Variants in TMEM11 observed in about 807,000 individuals in gnomAD.
TMEM11 encodes the protein transmembrane protein 11.
Under a neutral mutation model 17.0 loss-of-function variants are expected in TMEM11, and 1 was observed. That is an observed-to-expected ratio of 0.06 (90% CI 0.02 to 0.28). The LOEUF (loss-of-function observed/expected upper bound fraction) is 0.28. Ranked by LOEUF, TMEM11 falls within the 10% of genes least tolerant of loss-of-function variation. The pLI is 1.00. For missense variants in TMEM11, 172 were observed against 252.9 expected (o/e 0.68, Z 2.17); for synonymous variants, 122 against 118.1 (o/e 1.03, Z -0.21).
rs753450239 is a variant in TMEM11, at chr17:21,198,287, G to A, written c.*37C>T. On this transcript the variant is annotated 3_prime_UTR_variant, in exon 2 of 2. Coordinates refer to ENST00000317635, the MANE Select transcript of TMEM11 (RefSeq NM_003876.3). The surrounding 1 kb of genome is among the most constrained non-coding windows in gnomAD (Gnocchi z 6.5). ...CTGAATACTCTGTTGTCTCTTGTGG[G>A]CCGGGTGGTTTTGCTTCGCTCCCTG... 6.3e-7 allele frequency: 1 copy of A among 1,582,292 alleles called. No homozygotes were observed. The highest frequency in any genetic ancestry group is 1.2e-5 in the South Asian group (1 of 86,312).
chr17:21,206,206 C>T lies in TMEM11; in HGVS notation c.63-7366G>A, dbSNP rs1421033042. Among the ~76,000 whole-genome samples, 24 of 152,132 alleles carry T rather than the reference C, an allele frequency of 1.6e-4. 1 individual carries two copies. The highest frequency in any genetic ancestry group is 4.4e-5 in the Non-Finnish European group (3 of 68,002). On this transcript the variant is annotated intron_variant, in intron 1 of 1. Coordinates refer to ENST00000317635, the MANE Select transcript of TMEM11 (RefSeq NM_003876.3). The stretch of plus-strand genomic sequence containing the variant: ...AGGGGTTCCCATTTCTCCATATCCT[C>T]ACCAACACTTGTTATTTTCCGTTTT...
chr17:21,206,609 G>C (rs1393190721), intron 1 of TMEM11, among the ~76,000 whole-genome samples: 3 of 151,470 alleles, frequency 2.0e-5, no homozygotes, highest in Non-Finnish European at 4.4e-5. Context: ...CAATCTCGGA[G>C]CACTGCAACC....
chr17:21,201,242 T>A (rs1388668043), intron 1 of TMEM11, among the ~76,000 whole-genome samples: 1 of 152,196 alleles, frequency 6.6e-6, no homozygotes, highest in African/African-American at 2.4e-5. Flanking sequence ...GGGAACCACT[T>A]TCATAAAAGG....
At chr17:21,209,050 G>C (rs1393576884) in intron 1 of TMEM11, among the ~76,000 whole-genome samples, 1 of 152,234 alleles carries the variant, frequency 6.6e-6, no homozygotes, top group Non-Finnish European at 1.5e-5. Flanking sequence ...CTGAAGCAGT[G>C]AAAGCCCGTG....
At chr17:21,204,498 T>C (rs1345212207) in intron 1 of TMEM11, among the ~76,000 whole-genome samples, 1 of 149,916 alleles carries the variant, frequency 6.7e-6, no homozygotes, top group Non-Finnish European at 1.5e-5. Context: ...AGTCTCCAAC[T>C]GAAAGCAAGT....
chr17:21,213,840 G>A (rs1975030741), intron 1 of TMEM11: 1 of 413,918 alleles, frequency 2.4e-6, no homozygotes, highest in Non-Finnish European at 4.4e-6. Context: ...CTCGGGCCCC[G>A]CCCCGCATGG....
At chr17:21,211,819 C>T (rs529724991) in intron 1 of TMEM11, among the ~76,000 whole-genome samples, 1 of 152,358 alleles carries the variant, frequency 6.6e-6, no homozygotes, top group Non-Finnish European at 1.5e-5. Context: ...CGGGAGAGAG[C>T]ACTCGTATAA....
chr17:21,203,781 C>T lies in TMEM11; in HGVS notation c.63-4941G>A, dbSNP rs8082697. On this transcript the variant is annotated intron_variant, in intron 1 of 1. Coordinates refer to ENST00000317635, the MANE Select transcript of TMEM11 (RefSeq NM_003876.3). The stretch of plus-strand genomic sequence containing the variant: ...AGCCAGCTCCTGACCACCCAGCAGC[C>T]ACCCGTATATGGCTTGCTTCTGCTT... Among the ~76,000 whole-genome samples the T allele has an allele frequency of 8.3e-3, 1,253 of 151,870 alleles. 24 individuals are homozygous for T. Among genetic ancestry groups the T allele is most frequent in the African/African-American group, 0.028 (1,167 of 41,366 alleles).
At chr17:21,206,789 G>A (rs946797284) in intron 1 of TMEM11, among the ~76,000 whole-genome samples, 1 of 152,136 alleles carries the variant, frequency 6.6e-6, no homozygotes. Context: ...CAAAATGCTG[G>A]AATTACAGGC....
Position 21,198,762 on chromosome 17 carries a change from G to A in TMEM11, c.141C>T (p.Tyr47=), listed in dbSNP as rs1247757163. ...NGENAQDQFE[Y]ELEQALEAQY... ...GGGCTTCCAGGGCCTGCTCCAGCTCGTACTCAAACTGGTCTTGGGCATTCT... is the reference window on the plus strand; with the variant it reads ...GGGCTTCCAGGGCCTGCTCCAGCTCATACTCAAACTGGTCTTGGGCATTCT... The change falls in exon 2 of 2, where the codon TAC becomes TAT. Residue 47 remains tyrosine, a synonymous_variant. Coordinates refer to ENST00000317635, the MANE Select transcript of TMEM11 (RefSeq NM_003876.3). The surrounding 1 kb of genome is among the most constrained non-coding windows in gnomAD (Gnocchi z 6.5). 3.7e-6 allele frequency: 6 copies of A among 1,614,050 alleles called. No individual in the cohort carries two copies. Among genetic ancestry groups the A allele is most frequent in the South Asian group, 2.2e-5 (2 of 91,082 alleles).
intron 1 of TMEM11, among the ~76,000 whole-genome samples, chr17:21,210,595 C>T (rs1974991722): frequency 6.6e-6 from 1 of 152,212 alleles, no homozygotes; most frequent in Non-Finnish European, 1.5e-5. Flanking sequence ...GGGGCCTGTG[C>T]TCCATCTGCT....
At chr17:21,204,858 G>A (rs192338334) in intron 1 of TMEM11, among the ~76,000 whole-genome samples, 1 of 152,224 alleles carries the variant, frequency 6.6e-6, no homozygotes, top group Admixed American at 6.5e-5. Context: ...GATTCTCTGA[G>A]CCTTTAGTGC....
In TMEM11 at chr17:21,198,327, T is replaced by C. The variant is rs746907195; in HGVS notation, c.576A>G (p.Val192=). ...CVKKIYELYA[V] ...TTCGCTCCCTGTTCTACTGAAATCA[T>C]ACGGCATAGAGTTCGTAAATCTTCT... is the stretch of plus-strand genomic sequence containing the variant. The change falls in exon 2 of 2, where the codon GTA becomes GTG. Residue 192 remains valine (V), a synonymous_variant. Coordinates refer to ENST00000317635, the MANE Select transcript of TMEM11 (RefSeq NM_003876.3). The surrounding 1 kb of genome is among the most constrained non-coding windows in gnomAD (Gnocchi z 6.5). 26 of 1,608,992 alleles carry C rather than the reference T, an allele frequency of 1.6e-5. No individual in the cohort carries two copies. Among genetic ancestry groups the C allele is most frequent in the Non-Finnish European group, 2.1e-5 (25 of 1,175,890 alleles).
At chr17:21,202,678 C>T (rs934502989) in intron 1 of TMEM11, among the ~76,000 whole-genome samples, 2 of 152,198 alleles carry the variant, frequency 1.3e-5, no homozygotes, top group African/African-American at 2.4e-5. Context: ...TCCCAACCAG[C>T]CTGGAAGCAG....
chr17:21,211,244 G>C (rs1316910940), intron 1 of TMEM11: 1 of 1,286,516 alleles, frequency 7.8e-7, no homozygotes, highest in East Asian at 5.6e-5. Flanking sequence ...TTAATGGAGT[G>C]GAGAGAAAAA....
intron 1 of TMEM11, among the ~76,000 whole-genome samples, chr17:21,204,778 T>C (rs934960029): frequency 6.6e-6 from 1 of 151,974 alleles, no homozygotes; most frequent in Non-Finnish European, 1.5e-5. Flanking sequence ...TCTTAACATA[T>C]GGAAGAAGAA....
At chr17:21,200,794 G>A (rs373024930) in intron 1 of TMEM11, among the ~76,000 whole-genome samples, 26 of 152,364 alleles carry the variant, frequency 1.7e-4, no homozygotes, top group East Asian at 9.6e-4. Flanking sequence ...CGTCCGCCCA[G>A]CCTGTCCTGG....
chr17:21,214,003 G>A (rs1199218064), intron 1 of TMEM11, 88 bp downstream of exon 1: 3 of 1,266,380 alleles, frequency 2.4e-6, no homozygotes, highest in African/African-American at 1.5e-5. Flanking sequence ...AACCAGGGAA[G>A]GAAGGCTGCT....
intron 1 of TMEM11, among the ~76,000 whole-genome samples, chr17:21,211,593 A>G (rs572484160): frequency 4.6e-5 from 7 of 152,368 alleles, no homozygotes; most frequent in Admixed American, 1.3e-4. Context: ...ACACGTGCTA[A>G]ACTGGACCAT....
Sources: allele counts gnomAD v4.1 joint callset (sites outside exome capture counted in the v4.1 genomes callset), GRCh38; gene constraint gnomAD v4.1.1; non-coding constraint Gnocchi (gnomAD v3.1); transcripts MANE v1.5; gene names NCBI Gene and HGNC (gene_info 2026-07-23, HGNC 2026-07-21).